The following RBMS3 variants were observed in gnomAD, a reference collection of about 807,000 sequenced individuals.
RBMS3 encodes RNA binding motif single stranded interacting protein 3, also known as RNA-binding motif, single-stranded-interacting protein 3.
RBMS3 carries 27 observed loss-of-function variants against 66.8 expected under a neutral mutation model. The ratio of observed to expected loss-of-function variants is 0.40; its 90% CI spans 0.30 to 0.56. The LOEUF (loss-of-function observed/expected upper bound fraction) is 0.56, where lower values mean the gene tolerates loss of function less well. Ranked by LOEUF, RBMS3 falls within the 20% of genes least tolerant of loss-of-function variation. RBMS3 has a pLI of 0.40. For missense variants in RBMS3, 513 were observed against 549.5 expected (o/e 0.93, Z 0.66); for synonymous variants, 188 against 183.0 (o/e 1.03, Z -0.22).
chr3:29,451,177 G>A (rs906705118), intron 2 of RBMS3, among the ~76,000 whole-genome samples: 3 of 152,126 alleles, frequency 2.0e-5, no homozygotes, highest in Admixed American at 6.6e-5. Flanking sequence ...CTAGGACAGA[G>A]GGAAAGAAAT....
intron 3 of RBMS3, among the ~76,000 whole-genome samples, chr3:29,547,808 T>C (rs2046019479): frequency 3.5e-4 from 1 of 2,834 alleles, no homozygotes; most frequent in Non-Finnish European, 8.4e-4. Flanking sequence ...TGTGGATTGA[T>C]TTTTTTTTTT....
chr3:29,462,462 T>C (rs2042403632), intron 2 of RBMS3, among the ~76,000 whole-genome samples: 1 of 152,210 alleles, frequency 6.6e-6, no homozygotes, highest in South Asian at 2.1e-4. Flanking sequence ...ATGTATTTAT[T>C]AAGTATTCTG....
Position 30,010,238 on chromosome 3 carries a change from G to A in RBMS3, c.*6376G>A, listed in dbSNP as rs1328975460. On this transcript the variant is annotated 3_prime_UTR_variant, in exon 15 of 15. Coordinates refer to ENST00000383767, the MANE Select transcript of RBMS3 (RefSeq NM_001003793.3). ...AGTTCTGTAATTCTAAGGTGTTTCT[G>A]GTTTTATTTTTAATTTCTTCATCTG... 6.6e-6 allele frequency: 1 copy of A among 152,036 alleles called. No homozygotes were observed. Among genetic ancestry groups the A allele is most frequent in the African/African-American group, 2.4e-5 (1 of 41,390 alleles). The allele number at this position is 152,036 out of a possible 1,614,324, so 9.4% of individuals were successfully genotyped here. A position where few individuals can be genotyped will look rare whatever the true frequency, so the allele number is the denominator to read the frequency against.
At chr3:29,882,573 C>G (rs911775086) in intron 7 of RBMS3, among the ~76,000 whole-genome samples, 4 of 151,974 alleles carry the variant, frequency 2.6e-5, no homozygotes, top group Admixed American at 6.6e-5. Flanking sequence ...TCACATGTGA[C>G]TCTACACTTT....
At position 29,694,281 on chromosome 3, in the gene RBMS3, T is replaced by G. The variant is rs540085777; in HGVS notation, c.400-45439T>G. 2.0e-5 allele frequency among the ~76,000 whole-genome samples: 3 copies of G among 152,340 alleles called. No individual in the cohort carries two copies. The South Asian group carries it at 6.2e-4, about 32-fold the overall frequency. On this transcript the variant is annotated intron_variant, in intron 4 of 14. Coordinates refer to ENST00000383767, the MANE Select transcript of RBMS3 (RefSeq NM_001003793.3). ...TGTCACATACATTTTCACCCAAGTC[T>G]GGAACTATATTTCTCTTTCATTTCC...
At chr3:29,521,759 A>T (rs1263804903) in intron 3 of RBMS3, among the ~76,000 whole-genome samples, 1 of 152,206 alleles carries the variant, frequency 6.6e-6, no homozygotes. Context: ...AGTAGAGGAA[A>T]CTGAAGCAGC....
chr3:29,417,474 C>T (rs1167271506), intron 1 of RBMS3, among the ~76,000 whole-genome samples: 2 of 151,908 alleles, frequency 1.3e-5, no homozygotes, highest in Non-Finnish European at 2.9e-5. Flanking sequence ...GTTAGCTCTC[C>T]CTAATATTAT....
intron 3 of RBMS3, among the ~76,000 whole-genome samples, chr3:29,551,823 A>G (rs1413258992): frequency 6.6e-6 from 1 of 152,250 alleles, no homozygotes; most frequent in Admixed American, 6.5e-5. Context: ...CAGACACCTT[A>G]TAAGATGTAC....
chr3:29,617,822 T>G (rs1450897619), intron 4 of RBMS3, among the ~76,000 whole-genome samples: 1 of 152,176 alleles, frequency 6.6e-6, no homozygotes, highest in African/African-American at 2.4e-5. Context: ...CCTACAAATA[T>G]TTATTATGAT....
At chr3:29,952,521 A>G in intron 12 of RBMS3, among the ~76,000 whole-genome samples, 1 of 151,860 alleles carries the variant, frequency 6.6e-6, no homozygotes, top group Admixed American at 6.6e-5. Flanking sequence ...GGTATATAAT[A>G]CACTTTTAAT....
At position 29,472,599 on chromosome 3, in the gene RBMS3, G is replaced by A. The variant is rs190170641; in HGVS notation, c.249-15842G>A. On this transcript the variant is annotated intron_variant, in intron 2 of 14. Coordinates refer to ENST00000383767, the MANE Select transcript of RBMS3 (RefSeq NM_001003793.3). ...ATGTGTTCGGAGTTTCTTCCTTTTGGTGGGTTCGTGGTCTCACTGGCTCAG... is the reference window on the plus strand; with the variant it reads ...ATGTGTTCGGAGTTTCTTCCTTTTGATGGGTTCGTGGTCTCACTGGCTCAG... 2.1e-4 allele frequency among the ~76,000 whole-genome samples: 32 copies of A among 152,214 alleles called. 1 individual carries two copies. In the East Asian group the frequency reaches 6.0e-3, roughly 29 times the overall value.
At chr3:29,685,660 C>G (rs1162848894) in intron 4 of RBMS3, among the ~76,000 whole-genome samples, 1 of 152,150 alleles carries the variant, frequency 6.6e-6, no homozygotes, top group Non-Finnish European at 1.5e-5. Flanking sequence ...AAACAATAGG[C>G]AGGAACTGTG....
chr3:29,496,046 G>A (rs1209556963), intron 3 of RBMS3, among the ~76,000 whole-genome samples: 1 of 151,930 alleles, frequency 6.6e-6, no homozygotes, highest in Non-Finnish European at 1.5e-5. Context: ...AAATTTATGA[G>A]TGTGAGGAAT....
intron 7 of RBMS3, among the ~76,000 whole-genome samples, chr3:29,881,842 A>C (rs2059744195): frequency 6.6e-6 from 1 of 152,188 alleles, no homozygotes; most frequent in Non-Finnish European, 1.5e-5. Flanking sequence ...AGGAGGGGCT[A>C]GATAGCATTG....
intron 4 of RBMS3, among the ~76,000 whole-genome samples, chr3:29,727,956 C>T (rs2053954926): frequency 6.6e-6 from 1 of 152,086 alleles, no homozygotes; most frequent in Admixed American, 6.5e-5. Context: ...TGGAACCAAC[C>T]CCAATGTCCA....
chr3:29,439,278 G>A (rs1197644942), intron 2 of RBMS3, among the ~76,000 whole-genome samples: 2 of 152,126 alleles, frequency 1.3e-5, no homozygotes, highest in African/African-American at 2.4e-5. Context: ...CAGGAAGTTC[G>A]CATAGCTATA....
intron 1 of RBMS3, among the ~76,000 whole-genome samples, chr3:29,346,070 GGGCATA>G (rs1347457013): frequency 6.6e-6 from 1 of 152,168 alleles, no homozygotes; most frequent in African/African-American, 2.4e-5. Context: ...GTGGCTGACT[GGGCATA>G]GGCGTGCAGC....
intron 4 of RBMS3, chr3:29,697,024 A>G (rs968397647): frequency 8.1e-6 from 8 of 984,788 alleles, no homozygotes; most frequent in Admixed American, 6.1e-5. Context: ...GGAGGACAAC[A>G]GAGATTATCC....
chr3:29,561,822 T>C (rs931901943), intron 3 of RBMS3, among the ~76,000 whole-genome samples: 5 of 152,146 alleles, frequency 3.3e-5, no homozygotes, highest in Non-Finnish European at 7.3e-5. Context: ...TCTCTAACAA[T>C]CAGTGATATT....
Sources: allele counts gnomAD v4.1 joint callset (sites outside exome capture counted in the v4.1 genomes callset), GRCh38; gene constraint gnomAD v4.1.1; transcripts MANE v1.5; gene names NCBI Gene and HGNC (gene_info 2026-07-23, HGNC 2026-07-21).